LCOR: variants seen among roughly 807,000 people sequenced by gnomAD.
LCOR encodes the protein ligand-dependent corepressor.
Under a neutral mutation model 64.4 loss-of-function variants are expected in LCOR, and 14 were observed. The observed-to-expected ratio is 0.22, with a 90% CI of 0.14 to 0.34. The LOEUF is 0.34. LCOR is among the 10% of genes least tolerant of loss of function. LCOR has a pLI of 1.00. For missense variants in LCOR, 1,686 were observed against 1,765.3 expected (o/e 0.96, Z 0.80); for synonymous variants, 643 against 642.5 (o/e 1.00, Z -0.01).
At chr10:96,973,429 T>G (rs554614034) in intron 7 of LCOR, among the ~76,000 whole-genome samples, 1 of 152,304 alleles carries the variant, frequency 6.6e-6, no homozygotes, top group Non-Finnish European at 1.5e-5. Context: ...AGATGTGAAA[T>G]AGCCAAGAGT....
At chr10:96,959,120 T>C (rs1249804019) in intron 7 of LCOR, 2 of 152,186 alleles carry the variant, frequency 1.3e-5, no homozygotes, top group African/African-American at 2.4e-5. Context: ...TTCCTTAATA[T>C]TTGATTTCTC....
intron 7 of LCOR, chr10:96,957,026 TGA>T (rs1847794852): frequency 3.1e-5 from 31 of 985,116 alleles, no homozygotes; most frequent in African/African-American, 3.5e-5. Flanking sequence ...ATGTTTGTAG[TGA>T]GAGAAAAAAA....
chr10:96,871,457 G>C (rs1846071011), intron 2 of LCOR, among the ~76,000 whole-genome samples: 1 of 152,000 alleles, frequency 6.6e-6, no homozygotes, highest in African/African-American at 2.4e-5. Context: ...CTGTCGCCCA[G>C]GCTGGAGTGC....
rs1362346113 is a variant in LCOR, at chr10:96,992,026, T to C, written c.*6892T>C. 2 of 152,226 alleles carry C rather than the reference T, an allele frequency of 1.3e-5. No homozygotes were observed. The highest frequency in any genetic ancestry group is 4.8e-5 in the African/African-American group (2 of 41,460). The allele number at this position is 152,226 out of a possible 1,614,324, so 9.4% of individuals were successfully genotyped here. A position where few individuals can be genotyped will look rare whatever the true frequency, so the allele number is the denominator to read the frequency against. ...CCAGTTTTCTGTGATCTGCACCTCATAGTTGTCTTGTAGCTAAAGCTGAGG... is the reference window on the plus strand; with the variant it reads ...CCAGTTTTCTGTGATCTGCACCTCACAGTTGTCTTGTAGCTAAAGCTGAGG... On this transcript the variant is annotated 3_prime_UTR_variant, in exon 8 of 8. Transcript: ENST00000421806.
At chr10:96,893,720 G>A (rs1040732579) in intron 2 of LCOR, among the ~76,000 whole-genome samples, 10 of 148,502 alleles carry the variant, frequency 6.7e-5, no homozygotes, top group African/African-American at 2.3e-4. Flanking sequence ...CCAAGATCGC[G>A]CCACTACACT....
At chr10:96,860,428 C>T (rs1564606079) in intron 2 of LCOR, among the ~76,000 whole-genome samples, 1 of 151,956 alleles carries the variant, frequency 6.6e-6, no homozygotes, top group East Asian at 1.9e-4. Flanking sequence ...CAAGGATTGC[C>T]AAGGATTGCT....
chr10:96,984,730 C>T lies in LCOR; in HGVS notation c.4270C>T (p.His1424Tyr). 1.2e-6 allele frequency: 2 copies of T among 1,613,830 alleles called. No individual in the cohort carries two copies. Among genetic ancestry groups the T allele is most frequent in the South Asian group, 1.1e-5 (1 of 91,052 alleles). The stretch of plus-strand genomic sequence containing the variant: ...TACGGTGAAAGCCAGCAAAGAAAAG[C>T]ATGCTGATGGAGCCACCAAAACCCC... ...GPTVKASKEK[H>Y]ADGATKTPAA... Residue 1424 changes from histidine (H) to tyrosine (Y), a missense_variant, in exon 8 of 8, where the codon CAT becomes TAT. His to Tyr is a moderately conservative substitution (Grantham distance 83). Around this residue, in one of 3 missense-constraint regions of LCOR, gnomAD observed 1,293 missense variants for 1,410.4 expected, o/e 0.92. Coordinates refer to ENST00000421806, the MANE Select transcript of LCOR (RefSeq NM_001346516.2).
chr10:96,886,167 C>A (rs1178371771), intron 2 of LCOR, among the ~76,000 whole-genome samples: 1 of 152,134 alleles, frequency 6.6e-6, no homozygotes, highest in African/African-American at 2.4e-5. Flanking sequence ...TATGAGCCAC[C>A]GTACCTGGCT....
At chr10:96,849,241 A>G (rs1845686200) in intron 2 of LCOR, among the ~76,000 whole-genome samples, 1 of 151,512 alleles carries the variant, frequency 6.6e-6, no homozygotes, top group African/African-American at 2.4e-5. Flanking sequence ...CACCTGGCTA[A>G]TTTTTGTATT....
intron 4 of LCOR, among the ~76,000 whole-genome samples, chr10:96,909,254 A>G (rs1846786938): frequency 6.6e-6 from 1 of 152,140 alleles, no homozygotes; most frequent in African/African-American, 2.4e-5. Context: ...TTCTGGATTC[A>G]TTAGCCTAAC....
chr10:96,956,753 G>A (rs1290307718), intron 7 of LCOR: 1 of 985,692 alleles, frequency 1.0e-6, no homozygotes, highest in Non-Finnish European at 1.2e-6. Context: ...TTACTCAGGA[G>A]CAGTCAGGGT....
Position 96,984,864 on chromosome 10 carries a change from C to T in LCOR, c.4404C>T (p.Cys1468=), listed in dbSNP as rs767897231. The T allele has an allele frequency of 1.9e-6, 3 of 1,614,048 alleles. No individual in the cohort carries two copies. Among genetic ancestry groups the T allele is most frequent in the Non-Finnish European group, 2.5e-6 (3 of 1,180,034 alleles). Residue 1468 remains cysteine, a synonymous_variant, in exon 8 of 8, where the codon TGC becomes TGT. Transcript: ENST00000421806. ...CTAAAAAGTCCGCTGGGAAGAGCTG[C>T]CCTCCCTCCAGGAAAGAAAAAGAGA... ...KIPKKSAGKS[C]PPSRKEKENT... is the part of the protein sequence containing the mutation.
intron 2 of LCOR, among the ~76,000 whole-genome samples, chr10:96,863,004 C>T (rs1209370509): frequency 6.6e-6 from 1 of 151,356 alleles, no homozygotes; most frequent in Non-Finnish European, 1.5e-5. Flanking sequence ...CCTCAGCCTC[C>T]CAGGTAGCTG....
intron 7 of LCOR, among the ~76,000 whole-genome samples, chr10:96,975,391 CTA>C: frequency 6.6e-6 from 1 of 152,122 alleles, no homozygotes; most frequent in Non-Finnish European, 1.5e-5. Flanking sequence ...CTCATCATGC[CTA>C]TGTGTCTAGT....
At chr10:96,868,128 C>T (rs1846006377) in intron 2 of LCOR, among the ~76,000 whole-genome samples, 1 of 152,104 alleles carries the variant, frequency 6.6e-6, no homozygotes, top group South Asian at 2.1e-4. Context: ...AGGTGATCCA[C>T]CCGCCTCGGC....
At chr10:96,954,989 ACTT>A (rs761872941) in intron 7 of LCOR, 1 of 1,614,044 alleles carries the variant, frequency 6.2e-7, no homozygotes, top group African/African-American at 1.3e-5. Context: ...GCCCAGACGG[ACTT>A]CGGAGTGGTG....
intron 4 of LCOR, among the ~76,000 whole-genome samples, chr10:96,931,631 G>A (rs1271716523): frequency 6.6e-6 from 1 of 152,118 alleles, no homozygotes; most frequent in Non-Finnish European, 1.5e-5. Flanking sequence ...TTGGGAAGTG[G>A]ACGCAAAGTA....
chr10:96,938,151 G>C (rs1182902946), intron 4 of LCOR, among the ~76,000 whole-genome samples: 1 of 152,030 alleles, frequency 6.6e-6, no homozygotes, highest in Non-Finnish European at 1.5e-5. Context: ...AGAGACGGGG[G>C]TCTCCCTATG....
At chr10:96,846,803 A>G (rs1232390689) in intron 2 of LCOR, among the ~76,000 whole-genome samples, 1 of 152,186 alleles carries the variant, frequency 6.6e-6, no homozygotes, top group Admixed American at 6.5e-5. Flanking sequence ...ATGGCTGCAA[A>G]TGTACAATCT....
Sources: allele counts gnomAD v4.1 joint callset (sites outside exome capture counted in the v4.1 genomes callset), GRCh38; gene constraint gnomAD v4.1.1; regional missense constraint gnomAD v4.1.1; transcripts MANE v1.5; gene names NCBI Gene and HGNC (gene_info 2026-07-23, HGNC 2026-07-21).